CDS1: variants seen among roughly 807,000 people sequenced by gnomAD.
CDS1 encodes the protein CDP-diacylglycerol synthase 1.
In CDS1, 41 loss-of-function variants were observed where a neutral mutation model predicts 62.1. The observed-to-expected ratio is 0.66, with a 90% CI of 0.51 to 0.86. CDS1 has a LOEUF of 0.86. Among genes scored for constraint, CDS1 ranks in the 40% least tolerant of loss-of-function variants. The pLI is 0.00. For missense variants in CDS1, 470 were observed against 550.1 expected, an observed-to-expected ratio of 0.85 and a Z score of 1.46; for synonymous variants, 185 against 192.6, an observed-to-expected ratio of 0.96 and a Z score of 0.32.
chr4:84,634,222 C>T (rs1578048608), intron 7 of CDS1, among the ~76,000 whole-genome samples: 2 of 152,030 alleles, frequency 1.3e-5, no homozygotes, highest in African/African-American at 4.8e-5. Context: ...CCTAGTGTAA[C>T]TTTTCACAAA....
At chr4:84,635,518 C>G (rs1385320041) in intron 8 of CDS1, among the ~76,000 whole-genome samples, 167 bp downstream of exon 8, 1 of 151,758 alleles carries the variant, frequency 6.6e-6, no homozygotes, top group Admixed American at 6.6e-5. Flanking sequence ...GTACTTCCAT[C>G]TGGGTTCTTC....
At chr4:84,638,270 C>T (rs1724275739) in intron 8 of CDS1, among the ~76,000 whole-genome samples, 1 of 152,148 alleles carries the variant, frequency 6.6e-6, no homozygotes, top group Admixed American at 6.5e-5. Context: ...GAATCCAACA[C>T]AAACAATATC....
chr4:84,601,476 C>T (rs369620956), intron 1 of CDS1, among the ~76,000 whole-genome samples: 13 of 152,212 alleles, frequency 8.5e-5, no homozygotes, highest in Admixed American at 2.6e-4. Context: ...CATAAGTTTA[C>T]GGGGAATCAT....
chr4:84,618,944 A>G (rs1270468207), intron 4 of CDS1, among the ~76,000 whole-genome samples: 2 of 152,080 alleles, frequency 1.3e-5, no homozygotes, highest in Non-Finnish European at 2.9e-5. Context: ...TTAATCCCTC[A>G]ATATATACAC....
intron 1 of CDS1, among the ~76,000 whole-genome samples, chr4:84,585,996 TGAAAAG>T (rs1164482944): frequency 6.6e-6 from 1 of 152,166 alleles, no homozygotes; most frequent in Non-Finnish European, 1.5e-5. Context: ...GAGCTGGGAA[TGAAAAG>T]ATTCCTGGGA....
chr4:84,640,193 CTGGT>C (rs1428540280), intron 9 of CDS1, among the ~76,000 whole-genome samples: 1 of 147,398 alleles, frequency 6.8e-6, no homozygotes. Context: ...ATAAAATAAA[CTGGT>C]TGTTTGGAAG....
chr4:84,588,396 C>T (rs1411202552), intron 1 of CDS1, among the ~76,000 whole-genome samples: 2 of 152,150 alleles, frequency 1.3e-5, no homozygotes, highest in Non-Finnish European at 2.9e-5. Context: ...GTAACCACCC[C>T]ACAGGTTCTT....
chr4:84,634,063 A>G, intron 7 of CDS1, 124 bp downstream of exon 7: 1 of 471,846 alleles, frequency 2.1e-6, no homozygotes, highest in Non-Finnish European at 3.6e-6. Flanking sequence ...TATTCCATTA[A>G]ACTATCTTAC....
intron 1 of CDS1, among the ~76,000 whole-genome samples, chr4:84,599,932 A>T (rs947308994): frequency 7.9e-5 from 12 of 152,072 alleles, no homozygotes; most frequent in Admixed American, 1.3e-4. Context: ...TGTTGGTTGT[A>T]TATGTAATTT....
chr4:84,646,959 G>A (rs967490512), intron 12 of CDS1, among the ~76,000 whole-genome samples: 2 of 152,162 alleles, frequency 1.3e-5, no homozygotes, highest in South Asian at 2.1e-4. Flanking sequence ...TATTAGGTAT[G>A]TACAAATTTA....
intron 1 of CDS1, among the ~76,000 whole-genome samples, chr4:84,591,450 G>T (rs1270449819): frequency 2.0e-5 from 3 of 151,998 alleles, no homozygotes; most frequent in Non-Finnish European, 4.4e-5. Flanking sequence ...ACTTTTTGGT[G>T]GCTTTTTTAT....
intron 4 of CDS1, among the ~76,000 whole-genome samples, chr4:84,618,808 G>T (rs564746975): frequency 1.3e-5 from 2 of 152,230 alleles, no homozygotes; most frequent in Admixed American, 1.3e-4. Flanking sequence ...GGGGAGACAG[G>T]TTGAATTACC....
At chr4:84,646,632 C>T (rs1055949801) in intron 12 of CDS1, among the ~76,000 whole-genome samples, 3 of 152,026 alleles carry the variant, frequency 2.0e-5, no homozygotes, top group Non-Finnish European at 4.4e-5. Flanking sequence ...CCACTGTGGT[C>T]GGAAAACATA....
intron 1 of CDS1, among the ~76,000 whole-genome samples, chr4:84,585,614 G>T (rs1208051532): frequency 6.6e-6 from 1 of 152,192 alleles, no homozygotes; most frequent in African/African-American, 2.4e-5. Context: ...TGAAAGAAGT[G>T]AAGGAGGTAC....
At chr4:84,626,133 C>T (rs1723851011) in intron 5 of CDS1, among the ~76,000 whole-genome samples, 1 of 152,082 alleles carries the variant, frequency 6.6e-6, no homozygotes, top group Admixed American at 6.5e-5. Context: ...TGCCATTCCA[C>T]TCCAGCCTGG....
intron 3 of CDS1, among the ~76,000 whole-genome samples, chr4:84,616,828 C>CA (rs1251222139): frequency 6.6e-6 from 1 of 152,204 alleles, no homozygotes; most frequent in Non-Finnish European, 1.5e-5. Context: ...TGAAGGACTA[C>CA]AAAATAGAAC....
intron 1 of CDS1, among the ~76,000 whole-genome samples, chr4:84,593,756 G>A (rs564698446): frequency 5.4e-4 from 82 of 152,154 alleles, no homozygotes; most frequent in East Asian, 1.2e-3. Context: ...CACCCACCTC[G>A]GCCTCCCAAA....
At chr4:84,592,227 G>A (rs896829100) in intron 1 of CDS1, among the ~76,000 whole-genome samples, 2 of 133,516 alleles carry the variant, frequency 1.5e-5, no homozygotes, top group East Asian at 4.8e-4. Flanking sequence ...GCAGTGGCAC[G>A]ATCTTGGGTC....
At chr4:84,607,808 C>T (rs1245937110) in intron 2 of CDS1, among the ~76,000 whole-genome samples, 1 of 152,002 alleles carries the variant, frequency 6.6e-6, no homozygotes, top group Non-Finnish European at 1.5e-5. Context: ...TAAGTTGAAT[C>T]AAAATCTCTT....
Sources: allele counts gnomAD v4.1 joint callset (sites outside exome capture counted in the v4.1 genomes callset), GRCh38; gene constraint gnomAD v4.1.1; transcripts MANE v1.5; gene names NCBI Gene and HGNC (gene_info 2026-07-23, HGNC 2026-07-21).